Variants in SGCD observed in about 807,000 individuals in gnomAD.
SGCD encodes the protein delta-sarcoglycan.
SGCD carries 18 observed loss-of-function variants against 36.6 expected under a neutral mutation model. The observed-to-expected ratio is 0.49, with a 90% confidence interval of 0.34 to 0.73. The LOEUF (loss-of-function observed/expected upper bound fraction) is 0.73, where lower values mean the gene tolerates loss of function less well. SGCD is among the 30% of genes least tolerant of loss of function. SGCD has a pLI of 0.01. For synonymous variants in SGCD, 133 were observed against 130.6 expected (o/e 1.02, Z -0.12); for missense variants, 387 against 346.7 (o/e 1.12, Z -0.92).
intron 3 of SGCD, among the ~76,000 whole-genome samples, chr5:156,449,483 G>C (rs1256716942): frequency 1.3e-5 from 2 of 151,732 alleles, no homozygotes; most frequent in African/African-American, 4.8e-5. Context: ...GACAAGGAAG[G>C]ATAGGGAAAA....
intron 3 of SGCD, among the ~76,000 whole-genome samples, chr5:156,169,441 A>T (rs1361048089): frequency 1.3e-5 from 2 of 152,174 alleles, no homozygotes; most frequent in Non-Finnish European, 2.9e-5. Flanking sequence ...GCTGAACTTA[A>T]TTTCCTCAAT....
chr5:155,916,805 G>C lies in SGCD; in HGVS notation c.-282+46381G>C, dbSNP rs541730231. Among the ~76,000 whole-genome samples the C allele has an allele frequency of 2.0e-5, 3 of 152,294 alleles. No individual in the cohort carries two copies. In the South Asian group the frequency reaches 6.2e-4, roughly 32 times the overall value. Reference sequence around the variant, plus strand: ...TTCAAACTTTTTCAAAATTCTTTCAGTGTAGTTACTTCCTGTGCTTCTCAC... The same window carrying C: ...TTCAAACTTTTTCAAAATTCTTTCACTGTAGTTACTTCCTGTGCTTCTCAC... On this transcript the variant is annotated intron_variant, in intron 1 of 9. Transcript: ENST00000517913.
chr5:156,150,004 C>A (rs2127614478), intron 3 of SGCD, among the ~76,000 whole-genome samples: 1 of 152,296 alleles, frequency 6.6e-6, no homozygotes, highest in South Asian at 2.1e-4. Context: ...CTCCTCTGTT[C>A]TCCACCCAGC....
chr5:156,316,851 C>T (rs1431219752), intron 3 of SGCD, among the ~76,000 whole-genome samples: 1 of 151,996 alleles, frequency 6.6e-6, no homozygotes, highest in African/African-American at 2.4e-5. Flanking sequence ...GAGGCAGAGA[C>T]AGTAAATGAT....
At chr5:156,611,549 C>T (rs1023183534) in intron 6 of SGCD, among the ~76,000 whole-genome samples, 1 of 152,078 alleles carries the variant, frequency 6.6e-6, no homozygotes, top group Non-Finnish European at 1.5e-5. Flanking sequence ...CTTTCTTTTG[C>T]TTTGACTTTT....
chr5:156,007,414 T>C (rs930251105), intron 1 of SGCD, among the ~76,000 whole-genome samples: 2 of 152,222 alleles, frequency 1.3e-5, no homozygotes, highest in African/African-American at 2.4e-5. Flanking sequence ...ATTTCATCTT[T>C]CTAGTGCATG....
At chr5:156,749,025 A>AAAGT (rs777129796) in intron 7 of SGCD, among the ~76,000 whole-genome samples, 12 of 152,132 alleles carry the variant, frequency 7.9e-5, no homozygotes, top group Non-Finnish European at 1.5e-4. Flanking sequence ...TCAGCTTCCC[A>AAAGT]AAGTGCTAGG....
intron 1 of SGCD, among the ~76,000 whole-genome samples, chr5:156,022,184 A>G (rs555501777): frequency 6.6e-6 from 1 of 152,324 alleles, no homozygotes; most frequent in African/African-American, 2.4e-5. Flanking sequence ...AAGGTCCTCC[A>G]TCTATCAAAT....
At chr5:155,971,518 T>C (rs1169238046) in intron 1 of SGCD, among the ~76,000 whole-genome samples, 1 of 152,176 alleles carries the variant, frequency 6.6e-6, no homozygotes, top group East Asian at 1.9e-4. Context: ...GAAACTCGTC[T>C]GGCCCAATTT....
chr5:156,545,217 C>T (rs1020442836), intron 4 of SGCD, among the ~76,000 whole-genome samples: 1 of 152,018 alleles, frequency 6.6e-6, no homozygotes, highest in Non-Finnish European at 1.5e-5. Context: ...GTAGTTATAC[C>T]ACCCCACAAC....
the SGCD span, among the ~76,000 whole-genome samples, chr5:155,828,646 C>T: frequency 9.7e-3 from 1,468 of 152,056 alleles, 24 homozygotes; most frequent in African/African-American, 0.034. Flanking sequence ...AATTATATTA[C>T]TGGTCTGACT....
the SGCD span, among the ~76,000 whole-genome samples, chr5:155,801,459 T>G: frequency 2.6e-5 from 4 of 152,148 alleles, no homozygotes; most frequent in African/African-American, 9.7e-5. Context: ...AGATCTGCAA[T>G]TATCATACTT....
At chr5:155,801,465 T>C in the SGCD span, among the ~76,000 whole-genome samples, 1 of 152,186 alleles carries the variant, frequency 6.6e-6, no homozygotes, top group African/African-American at 2.4e-5. Flanking sequence ...GCAATTATCA[T>C]ACTTTATATA....
intron 3 of SGCD, among the ~76,000 whole-genome samples, chr5:156,134,159 C>T (rs1202728962): frequency 6.6e-6 from 1 of 152,134 alleles, no homozygotes; most frequent in African/African-American, 2.4e-5. Flanking sequence ...CTAAACCCAC[C>T]CACTCTTGGT....
At chr5:156,578,913 CCTT>C (rs1379954177) in intron 4 of SGCD, among the ~76,000 whole-genome samples, 1 of 152,140 alleles carries the variant, frequency 6.6e-6, no homozygotes, top group East Asian at 1.9e-4. Flanking sequence ...GTCTCTATGT[CCTT>C]CAGTTCTGCT....
intron 3 of SGCD, among the ~76,000 whole-genome samples, chr5:156,137,808 T>C (rs1277047138): frequency 6.6e-6 from 1 of 152,138 alleles, no homozygotes; most frequent in Non-Finnish European, 1.5e-5. Context: ...GGTGGTTCTG[T>C]CACCTAACCC....
chr5:156,701,920 T>C (rs576766481), intron 7 of SGCD, among the ~76,000 whole-genome samples: 50 of 152,344 alleles, frequency 3.3e-4, no homozygotes, highest in African/African-American at 1.1e-3. Flanking sequence ...TTAATGCTTT[T>C]ATGAGAAGAT....
At chr5:156,301,287 G>A (rs1767048276) in intron 3 of SGCD, among the ~76,000 whole-genome samples, 1 of 151,890 alleles carries the variant, frequency 6.6e-6, no homozygotes, top group Non-Finnish European at 1.5e-5. Flanking sequence ...AGATTACAAT[G>A]AGGCTTGCAC....
At chr5:156,112,589 T>C (rs573295318) in intron 1 of SGCD, among the ~76,000 whole-genome samples, 1 of 152,306 alleles carries the variant, frequency 6.6e-6, no homozygotes, top group East Asian at 1.9e-4. Context: ...TTTTTGAGAA[T>C]TGAGAACCAG....
Sources: gnomAD v4.1 joint callset for allele counts (sites outside exome capture counted in the v4.1 genomes callset) on GRCh38, gnomAD v4.1.1 for gene constraint, MANE v1.5 for transcripts, NCBI Gene and HGNC (gene_info 2026-07-23, HGNC 2026-07-21) for gene names.